DNAAF5: variants seen among roughly 807,000 people sequenced by gnomAD.
The protein encoded by DNAAF5 is HEAT repeat containing 2.
DNAAF5 carries 64 observed loss-of-function variants against 75.8 expected under a neutral mutation model. The observed-to-expected ratio is 0.84, with a 90% CI of 0.69 to 1.04. DNAAF5 has a LOEUF of 1.04. DNAAF5 is among the 50% of genes least tolerant of loss of function. The probability of loss-of-function intolerance (pLI) is 0.00; values close to 1 mark genes in which losing one functional copy is unlikely to be tolerated. For synonymous variants in DNAAF5, 657 were observed against 557.2 expected, an observed-to-expected ratio of 1.18 and a Z score of -2.52; for missense variants, 1,269 against 1,178.5, an observed-to-expected ratio of 1.08 and a Z score of -1.12.
At chr7:774,850 C>G (rs935142210) in intron 10 of DNAAF5, among the ~76,000 whole-genome samples, 156 bp from the exon 11 acceptor site, 2 of 152,192 alleles carry the variant, frequency 1.3e-5, no homozygotes, top group African/African-American at 2.4e-5. Flanking sequence ...AAAAATTGCT[C>G]AAAATCTAAA....
intron 12 of DNAAF5, among the ~76,000 whole-genome samples, chr7:781,367 T>G (rs949133038): frequency 6.6e-6 from 1 of 152,256 alleles, no homozygotes; most frequent in Non-Finnish European, 1.5e-5. Flanking sequence ...ATTTCTTTTG[T>G]GGCCGGATAA....
Position 741,474 on chromosome 7 carries a change from C to A in DNAAF5, c.1024+9C>A. On this transcript the variant is annotated intron_variant, in intron 4 of 12. Transcript: ENST00000297440. ...CCATTACCCTCCACATGGTGAGTGA[C>A]CGCGGCAGAGGGGAGCGCCAGGAGG... 2.2e-6 allele frequency: 3 copies of A among 1,369,168 alleles called. No individual in the cohort carries two copies. The highest frequency in any genetic ancestry group is 3.0e-6 in the Non-Finnish European group (3 of 1,007,794). 84.8% of individuals were successfully genotyped at this position (1,369,168 alleles called of 1,614,324 possible).
chr7:743,017 A>G (rs1287296419), intron 4 of DNAAF5, among the ~76,000 whole-genome samples: 1 of 152,226 alleles, frequency 6.6e-6, no homozygotes, highest in East Asian at 1.9e-4. Context: ...GAGGCGCTGA[A>G]GTAGCCCGGG....
At chr7:745,261 G>A (rs1430526793) in intron 4 of DNAAF5, among the ~76,000 whole-genome samples, 1 of 152,236 alleles carries the variant, frequency 6.6e-6, no homozygotes, top group Non-Finnish European at 1.5e-5. Flanking sequence ...AGACCCTTCA[G>A]GTGTCAGTGG....
chr7:761,819 G>A lies in DNAAF5; in HGVS notation c.1537G>A (p.Gly513Ser), dbSNP rs765393246. The A allele has an allele frequency of 1.9e-6, 3 of 1,607,614 alleles. No individual in the cohort carries two copies. Among genetic ancestry groups the A allele is most frequent in the Non-Finnish European group, 2.5e-6 (3 of 1,177,228 alleles). Residue 513 changes from glycine to serine, a missense_variant, in exon 7 of 13, where the codon GGC (glycine) becomes AGC (serine). Coordinates refer to ENST00000297440, the MANE Select transcript of DNAAF5 (RefSeq NM_017802.4). ...ALVSVCHEDC[G>S]VASLQLLDVL... is the part of the protein sequence containing the mutation. ...GGTGTCTGTGTGTCATGAGGACTGT[G>A]GCGTGGCCAGCCTGCAGCTCTTGGA...
intron 8 of DNAAF5, among the ~76,000 whole-genome samples, chr7:768,014 C>G (rs1044667808): frequency 4.0e-5 from 6 of 151,010 alleles, no homozygotes; most frequent in African/African-American, 1.5e-4. Flanking sequence ...GCGGAAGTGT[C>G]CTTGCAGCGA....
chr7:741,518 GA>G, intron 4 of DNAAF5, 53 bp downstream of exon 4: 2 of 1,120,710 alleles, frequency 1.8e-6, no homozygotes, highest in Non-Finnish European at 2.6e-6. Flanking sequence ...TGTTGGGTGG[GA>G]AAGGGGCTTC....
intron 7 of DNAAF5, 104 bp downstream of exon 7, chr7:762,000 A>AGCCCCAGGCCTCAAACATGTCTGT: frequency 8.7e-7 from 1 of 1,146,268 alleles, no homozygotes. Flanking sequence ...TCTGTGCTTG[A>AGCCCCAGGCCTCAAACATGTCTGT]CCAGCAAAGA....
At chr7:784,197 C>T (rs4719324) in intron 12 of DNAAF5, among the ~76,000 whole-genome samples, 65,642 of 152,002 alleles carry the variant, frequency 0.43, 14,546 homozygotes, top group Middle Eastern at 0.47. Context: ...CCTCTGGCTG[C>T]GGGACGCCCG....
chr7:761,602 C>A, intron 6 of DNAAF5, 151 bp from the exon 7 acceptor site: 2 of 732,964 alleles, frequency 2.7e-6, no homozygotes, highest in Non-Finnish European at 2.2e-6. Flanking sequence ...GAGAACAGCA[C>A]GGGAAAGACC....
intron 8 of DNAAF5, among the ~76,000 whole-genome samples, chr7:766,510 G>T (rs920464308): frequency 6.6e-6 from 1 of 152,172 alleles, no homozygotes; most frequent in African/African-American, 2.4e-5. Context: ...ACATTGATTT[G>T]ACTATATACA....
intron 6 of DNAAF5, among the ~76,000 whole-genome samples, chr7:759,226 G>A (rs571486752): frequency 6.6e-5 from 10 of 152,304 alleles, no homozygotes; most frequent in East Asian, 3.9e-4. Context: ...TTAAAAGCTC[G>A]TGTTTAAACA....
In DNAAF5 at chr7:729,542, G is replaced by C. The variant is rs527467086; in HGVS notation, c.596-121G>C. On this transcript the variant is annotated intron_variant, in intron 1 of 12. Transcript: ENST00000297440. ...TGTACTGTTCATGCAGCAAGGACCTGGCGTAGGAGAGGAAGGGAGGTGAGG... is the reference window on the plus strand; with the variant it reads ...TGTACTGTTCATGCAGCAAGGACCTCGCGTAGGAGAGGAAGGGAGGTGAGG... 4.6e-6 allele frequency: 4 copies of C among 866,050 alleles called. No individual in the cohort carries two copies. The East Asian group carries it at 1.1e-4, about 23-fold the overall frequency. 53.6% of individuals were successfully genotyped at this position (866,050 alleles called of 1,614,324 possible).
At chr7:766,628 TAA>T (rs138735361) in intron 8 of DNAAF5, among the ~76,000 whole-genome samples, 206 of 152,270 alleles carry the variant, frequency 1.4e-3, no homozygotes, top group African/African-American at 4.7e-3. Flanking sequence ...ACAAAAGCAT[TAA>T]GAGTTGGGCA....
rs564062845 is a variant in DNAAF5 at position 786,363 on chromosome 7, G to C, written c.*710G>C. 1 of 152,340 alleles carries C rather than the reference G, an allele frequency of 6.6e-6. No individual in the cohort carries two copies. The highest frequency in any genetic ancestry group is 2.1e-4 in the South Asian group (1 of 4,828). The allele number at this position is 152,340 out of a possible 1,614,324, so 9.4% of individuals were successfully genotyped here. A position where few individuals can be genotyped will look rare whatever the true frequency, so the allele number is the denominator to read the frequency against. On this transcript the variant is annotated 3_prime_UTR_variant, in exon 13 of 13. Transcript: ENST00000297440. ...TAAAAGATCTCATTGTAAGTGGGTA[G>C]TGTTACCGGAAGCCATTGTGTTCAC...
rs1778665825 is a variant in DNAAF5 at position 774,008 on chromosome 7, T to A, written c.1932-40T>A. The A allele has an allele frequency of 2.5e-6, 4 of 1,613,074 alleles. No homozygotes were observed. In the East Asian group the frequency reaches 8.9e-5, roughly 36 times the overall value. ...GTCTGAAACGTTTCTTCCGAGCACC[T>A]GTCCGGTCTCCTCATCCACCCTCTC... is the stretch of plus-strand genomic sequence containing the variant. On this transcript the variant is annotated intron_variant, in intron 9 of 12. Coordinates refer to ENST00000297440, the MANE Select transcript of DNAAF5 (RefSeq NM_017802.4).
chr7:784,912 C>T (rs950331618), intron 12 of DNAAF5, among the ~76,000 whole-genome samples: 5 of 152,160 alleles, frequency 3.3e-5, no homozygotes, highest in Non-Finnish European at 5.9e-5. Flanking sequence ...TTGTGACTGC[C>T]GTGCACCCAC....
At chr7:760,065 C>T (rs1446607704) in intron 6 of DNAAF5, among the ~76,000 whole-genome samples, 1 of 10,066 alleles carries the variant, frequency 9.9e-5, no homozygotes, top group East Asian at 1.4e-3. Context: ...CCGAGGGAGA[C>T]GGGGCCGCGC....
At chr7:741,745 C>T (rs1372920991) in intron 4 of DNAAF5, among the ~76,000 whole-genome samples, 3 of 152,202 alleles carry the variant, frequency 2.0e-5, no homozygotes, top group African/African-American at 4.8e-5. Flanking sequence ...AAGTGTCCAG[C>T]GCACTGCCAG....
Sources: gnomAD v4.1 joint callset for allele counts (sites outside exome capture counted in the v4.1 genomes callset) on GRCh38, gnomAD v4.1.1 for gene constraint, MANE v1.5 for transcripts, NCBI Gene and HGNC (gene_info 2026-07-23, HGNC 2026-07-21) for gene names.